The following ARHGEF3 variants were observed in gnomAD, a reference collection of about 807,000 sequenced individuals.
ARHGEF3 encodes 59.8 kDA protein.
In ARHGEF3, 28 loss-of-function variants were observed where a neutral mutation model predicts 63.2. The observed-to-expected ratio is 0.44, with a 90% CI of 0.33 to 0.61. The LOEUF (loss-of-function observed/expected upper bound fraction) is 0.61. Among genes scored for constraint, ARHGEF3 ranks in the 20% least tolerant of loss-of-function variants. The pLI, the probability that ARHGEF3 is intolerant of heterozygous loss-of-function variation, is 0.03. For missense variants in ARHGEF3, 533 were observed against 659.3 expected, an observed-to-expected ratio of 0.81 and a Z score of 2.10; for synonymous variants, 266 against 254.2, an observed-to-expected ratio of 1.05 and a Z score of -0.44.
intron 1 of ARHGEF3, among the ~76,000 whole-genome samples, chr3:57,045,207 A>C (rs1416964755): frequency 6.6e-6 from 1 of 152,180 alleles, no homozygotes; most frequent in African/African-American, 2.4e-5. Flanking sequence ...ACGGAGGTTA[A>C]AGTGGGCTGA....
At chr3:57,070,145 G>C (rs940942351) in intron 1 of ARHGEF3, among the ~76,000 whole-genome samples, 2 of 152,140 alleles carry the variant, frequency 1.3e-5, no homozygotes, top group Non-Finnish European at 2.9e-5. Context: ...ATCACCACCT[G>C]GTGCCTCCAG....
chr3:57,026,995 C>T (rs1323746711), intron 2 of ARHGEF3, among the ~76,000 whole-genome samples: 3 of 152,146 alleles, frequency 2.0e-5, no homozygotes, highest in African/African-American at 7.2e-5. Context: ...TTAATGTGAT[C>T]ACCCTATGTT....
chr3:56,848,732 T>C (rs558813984), intron 4 of ARHGEF3, among the ~76,000 whole-genome samples: 1 of 151,808 alleles, frequency 6.6e-6, no homozygotes. Context: ...AATGGTGTGA[T>C]CTCGGCTCAC....
chr3:56,835,909 G>C (rs1383830536), intron 4 of ARHGEF3, among the ~76,000 whole-genome samples: 1 of 152,152 alleles, frequency 6.6e-6, no homozygotes, highest in East Asian at 1.9e-4. Context: ...CGTGGAAAAA[G>C]GATTTCTCAG....
chr3:56,976,079 T>C (rs1368311095), intron 2 of ARHGEF3, among the ~76,000 whole-genome samples: 2 of 152,216 alleles, frequency 1.3e-5, no homozygotes, highest in Non-Finnish European at 2.9e-5. Context: ...TCTTGCTCTG[T>C]TGCCCAGGCT....
intron 3 of ARHGEF3, among the ~76,000 whole-genome samples, chr3:56,944,014 A>G (rs1197143651): frequency 6.6e-6 from 1 of 151,640 alleles, no homozygotes; most frequent in Admixed American, 6.6e-5. Context: ...CATCTCTACT[A>G]AAAATACTAA....
chr3:56,882,262 G>A, intron 4 of ARHGEF3: 3 of 1,539,884 alleles, frequency 1.9e-6, no homozygotes, highest in Non-Finnish European at 2.6e-6. Flanking sequence ...TGCTCTCGGT[G>A]CCAGTGGGGG....
intron 4 of ARHGEF3, chr3:56,882,218 A>G (rs1413996223): frequency 5.3e-5 from 76 of 1,425,126 alleles, no homozygotes; most frequent in Non-Finnish European, 7.0e-5. Context: ...AGCACACAGC[A>G]TATTATTAAC....
At chr3:56,787,745 A>G (rs965034271) in intron 1 of ARHGEF3, among the ~76,000 whole-genome samples, 16 of 152,114 alleles carry the variant, frequency 1.1e-4, no homozygotes, top group African/African-American at 3.9e-4. Context: ...TATAATAGCA[A>G]TATACAGGAG....
chr3:56,760,093 T>C (rs536860456), intron 2 of ARHGEF3, among the ~76,000 whole-genome samples: 1 of 152,326 alleles, frequency 6.6e-6, no homozygotes, highest in South Asian at 2.1e-4. Flanking sequence ...TCAGTGAACA[T>C]GCTTTGTGTA....
intron 3 of ARHGEF3, among the ~76,000 whole-genome samples, chr3:56,947,025 C>T (rs375650818): frequency 4.6e-5 from 7 of 152,286 alleles, no homozygotes; most frequent in Admixed American, 2.6e-4. Flanking sequence ...TCCAGCCAAA[C>T]TAAGCTTCAG....
rs1191461907 is a variant in ARHGEF3, at chr3:57,045,652, AC to A, written c.-27-10477del. Among the ~76,000 whole-genome samples the A allele has an allele frequency of 4.7e-4, 72 of 152,346 alleles. 1 individual carries two copies. Among genetic ancestry groups the A allele is most frequent in the African/African-American group, 1.6e-3 (65 of 41,578 alleles). On this transcript the variant is annotated intron_variant, in intron 1 of 12. Transcript: ENST00000338458. ...CTCTTATCTCCTCACAGAAGAGGAA[AC>A]CTAGGCACAGAAAGCACAGATTTGC...
chr3:56,964,279 G>A (rs1050037320), intron 2 of ARHGEF3, among the ~76,000 whole-genome samples: 6 of 151,606 alleles, frequency 4.0e-5, no homozygotes, highest in African/African-American at 1.5e-4. Context: ...CTTGAACCCG[G>A]GAGGCACAGG....
chr3:56,929,750 G>C (rs1334278968), intron 3 of ARHGEF3, among the ~76,000 whole-genome samples: 1 of 152,128 alleles, frequency 6.6e-6, no homozygotes, highest in Non-Finnish European at 1.5e-5. Context: ...ATTGTTTCCA[G>C]GCTCAAAACT....
Position 56,729,418 on chromosome 3 carries a change from T to A in ARHGEF3, c.1433A>T (p.Gln478Leu), listed in dbSNP as rs1273608853. The change falls in exon 10 of 10, where the codon CAG becomes CTG. Residue 478 changes from glutamine (Q) to leucine (L), a missense_variant. Physicochemically the swap from Gln to Leu is moderately radical, Grantham distance 113. Transcript: ENST00000296315. The stretch of plus-strand genomic sequence containing the variant: ...CATCTGCTCAAGTTTTGTTTCTCCC[T>A]GTAGCTCTCTGCTCCCGGTGGTGGG... ...LNPTTGSRELQGETKLEQMDQ... is the reference protein window; with the variant it reads ...LNPTTGSRELLGETKLEQMDQ... The A allele has an allele frequency of 6.2e-7, 1 of 1,614,164 alleles. No individual in the cohort carries two copies. The highest frequency in any genetic ancestry group is 1.1e-5 in the South Asian group (1 of 91,078).
At chr3:56,762,111 A>G (rs2035453662) in intron 2 of ARHGEF3, among the ~76,000 whole-genome samples, 1 of 152,086 alleles carries the variant, frequency 6.6e-6, no homozygotes, top group African/African-American at 2.4e-5. Context: ...ATGACAACCA[A>G]AACACCTCCA....
chr3:56,775,118 A>G (rs929303320), intron 1 of ARHGEF3: 1 of 1,549,312 alleles, frequency 6.5e-7, no homozygotes, highest in Non-Finnish European at 8.7e-7. Context: ...AATCATTTCC[A>G]GAGGGAGCCT....
At chr3:56,737,059 G>A (rs976164900) in intron 8 of ARHGEF3, 126 bp downstream of exon 8, 1 of 1,108,544 alleles carries the variant, frequency 9.0e-7, no homozygotes. Flanking sequence ...GGGTGACAAA[G>A]CGAGACTCCA....
chr3:56,885,552 A>G (rs367710401), intron 3 of ARHGEF3, among the ~76,000 whole-genome samples: 2 of 152,200 alleles, frequency 1.3e-5, no homozygotes, highest in African/African-American at 4.8e-5. Context: ...TTGATGCAGG[A>G]AAGTGAATAA....
Sources: allele counts gnomAD v4.1 joint callset (sites outside exome capture counted in the v4.1 genomes callset), GRCh38; gene constraint gnomAD v4.1.1; transcripts MANE v1.5; gene names NCBI Gene and HGNC (gene_info 2026-07-23, HGNC 2026-07-21).